Variants in CNTNAP3B observed in about 807,000 individuals in gnomAD.
CNTNAP3B encodes the protein contactin-associated protein-like 3B.
CNTNAP3B carries 25 observed loss-of-function variants against 108.9 expected under a neutral mutation model. The observed-to-expected ratio is 0.23, with a 90% CI of 0.17 to 0.32. The LOEUF is 0.32. Among genes scored for constraint, CNTNAP3B ranks in the 10% least tolerant of loss-of-function variants. The pLI is 1.00. For synonymous variants in CNTNAP3B, 103 were observed against 473.4 expected, an observed-to-expected ratio of 0.22 and a Z score of 10.16; for missense variants, 252 against 1,210.4, an observed-to-expected ratio of 0.21 and a Z score of 11.75.
intron 8 of CNTNAP3B, among the ~76,000 whole-genome samples, chr9:41,986,515 C>T (rs1224612662): frequency 6.9e-6 from 1 of 144,726 alleles, no homozygotes; most frequent in African/African-American, 2.6e-5. Context: ...AAATATTACT[C>T]TTTCTGAAGA....
intron 18 of CNTNAP3B, among the ~76,000 whole-genome samples, chr9:41,918,039 T>C (rs1823566406): frequency 6.6e-6 from 1 of 152,290 alleles, no homozygotes; most frequent in South Asian, 2.1e-4. Flanking sequence ...TCAATAGTTG[T>C]TTTTTAAAAT....
intron 15 of CNTNAP3B, among the ~76,000 whole-genome samples, chr9:41,926,257 C>A (rs1471903496): frequency 6.6e-6 from 1 of 152,080 alleles, no homozygotes; most frequent in Non-Finnish European, 1.5e-5. Context: ...AGTGTGGAAC[C>A]TAGCTTCTAA....
In CNTNAP3B at chr9:42,000,109, CTG is replaced by C. The variant is rs1482168843; in HGVS notation, c.539-1507_539-1506del. Among the ~76,000 whole-genome samples, 5 of 134,358 alleles carry C rather than the reference CTG, an allele frequency of 3.7e-5. 2 individuals are homozygous for C. The highest frequency in any genetic ancestry group is 7.8e-5 in the Non-Finnish European group (5 of 63,760). The allele number at this position is 134,358 out of a possible 152,430, so 88.1% of individuals were successfully genotyped here. A position where few individuals can be genotyped will look rare whatever the true frequency, so the allele number is the denominator to read the frequency against. On this transcript the variant is annotated intron_variant, in intron 4 of 23. Transcript: ENST00000377561. ...TGGCTATCCATTTCATTCACAGTATCTGAAATACATATAGTAAACTGCACTTC... is the reference window on the plus strand; with the variant it reads ...TGGCTATCCATTTCATTCACAGTATCAAATACATATAGTAAACTGCACTTC...
chr9:42,103,263 C>A (rs1828032345), intron 2 of CNTNAP3B, among the ~76,000 whole-genome samples: 1 of 147,986 alleles, frequency 6.8e-6, no homozygotes, highest in Admixed American at 6.7e-5. Context: ...AAATCACAGA[C>A]TTAAGAAAAA....
intron 10 of CNTNAP3B, among the ~76,000 whole-genome samples, chr9:41,968,931 G>C (rs1825361014): frequency 6.6e-6 from 1 of 152,154 alleles, no homozygotes; most frequent in Admixed American, 6.5e-5. Context: ...CGAGTAGCTG[G>C]AACTACAGGC....
chr9:41,923,425 G>T (rs1417645134), intron 16 of CNTNAP3B, among the ~76,000 whole-genome samples: 2 of 151,922 alleles, frequency 1.3e-5, no homozygotes, highest in East Asian at 3.9e-4. Flanking sequence ...ACATTTTAAT[G>T]GATTATTACG....
intron 13 of CNTNAP3B, among the ~76,000 whole-genome samples, chr9:41,942,909 T>G (rs1205632716): frequency 6.6e-6 from 1 of 152,252 alleles, no homozygotes; most frequent in Non-Finnish European, 1.5e-5. Flanking sequence ...ATTAAAGGCT[T>G]CCTTACCTCA....
intron 1 of CNTNAP3B, among the ~76,000 whole-genome samples, chr9:42,122,099 C>T (rs1314940794): frequency 7.2e-6 from 1 of 139,470 alleles, no homozygotes; most frequent in Non-Finnish European, 1.5e-5. Flanking sequence ...CTATGGGCAG[C>T]AGGCTTTGCT....
Position 42,123,432 on chromosome 9 carries a change from T to C in CNTNAP3B, c.85+5578A>G, listed in dbSNP as rs2118750556. On this transcript the variant is annotated intron_variant, in intron 1 of 23. Coordinates refer to ENST00000377561, the MANE Select transcript of CNTNAP3B (RefSeq NM_001201380.3). ...TGATTGAACAGATATCTAAAACTGA[T>C]AGGTAATATTTTAGATCAAATCACT... Among the ~76,000 whole-genome samples, 2 of 128,298 alleles carry C rather than the reference T, an allele frequency of 1.6e-5. 1 individual carries two copies. Among genetic ancestry groups the C allele is most frequent in the East Asian group, 4.7e-4 (2 of 4,212 alleles). The allele number at this position is 128,298 out of a possible 152,430, so 84.2% of individuals were successfully genotyped here.
chr9:42,089,236 G>C (rs1418857503), intron 2 of CNTNAP3B, among the ~76,000 whole-genome samples: 2 of 121,420 alleles, frequency 1.6e-5, no homozygotes, highest in Admixed American at 1.7e-4. Flanking sequence ...AAATGTAGGG[G>C]AATTTAATTC....
At chr9:41,931,644 G>A (rs567155777) in intron 14 of CNTNAP3B, among the ~76,000 whole-genome samples, 144 of 150,430 alleles carry the variant, frequency 9.6e-4, no homozygotes, top group African/African-American at 3.3e-3. Context: ...GCAAAGAACA[G>A]AATATTGATT....
chr9:42,093,172 C>T lies in CNTNAP3B; in HGVS notation c.196+11457G>A, dbSNP rs1426294584. Among the ~76,000 whole-genome samples the T allele has an allele frequency of 9.5e-5, 9 of 94,832 alleles. 3 individuals are homozygous for T. Among genetic ancestry groups the T allele is most frequent in the South Asian group, 3.3e-4 (1 of 3,060 alleles). 62.2% of individuals were successfully genotyped at this position (94,832 alleles called of 152,430 possible). A position where few individuals can be genotyped will look rare whatever the true frequency, so the allele number is the denominator to read the frequency against. ...GAGCCTGGCCAACATGGTGAAACCCCGTCTCTACTAAAAATACAAAAAATT... is the reference window on the plus strand; with the variant it reads ...GAGCCTGGCCAACATGGTGAAACCCTGTCTCTACTAAAAATACAAAAAATT... On this transcript the variant is annotated intron_variant, in intron 2 of 23. Transcript: ENST00000377561.
chr9:41,958,078 C>A (rs1209239837), intron 12 of CNTNAP3B, among the ~76,000 whole-genome samples: 1 of 152,268 alleles, frequency 6.6e-6, no homozygotes, highest in African/African-American at 2.4e-5. Flanking sequence ...TGCTCTGTCT[C>A]TTCAAAGTGT....
At chr9:41,939,703 T>C (rs955803352) in intron 13 of CNTNAP3B, among the ~76,000 whole-genome samples, 3 of 152,280 alleles carry the variant, frequency 2.0e-5, no homozygotes, top group Non-Finnish European at 4.4e-5. Context: ...AAAACACTCA[T>C]TATATCCTAA....
chr9:42,070,832 C>T (rs1437707758), intron 3 of CNTNAP3B, among the ~76,000 whole-genome samples: 5 of 152,074 alleles, frequency 3.3e-5, no homozygotes, highest in African/African-American at 1.2e-4. Flanking sequence ...GGAACAAATA[C>T]ACACAGGCCA....
intron 18 of CNTNAP3B, among the ~76,000 whole-genome samples, chr9:41,918,001 A>G (rs1400120961): frequency 6.6e-6 from 1 of 152,310 alleles, no homozygotes; most frequent in Non-Finnish European, 1.5e-5. Flanking sequence ...CATTTGATGT[A>G]TTTCCTTAGG....
At chr9:42,059,953 A>T (rs1406488125) in intron 3 of CNTNAP3B, among the ~76,000 whole-genome samples, 3 of 149,870 alleles carry the variant, frequency 2.0e-5, no homozygotes, top group Non-Finnish European at 3.0e-5. Flanking sequence ...TATATATAAG[A>T]TCATGTCATC....
chr9:42,114,837 C>A (rs1346666627), intron 1 of CNTNAP3B, among the ~76,000 whole-genome samples: 2 of 137,094 alleles, frequency 1.5e-5, no homozygotes, highest in African/African-American at 5.8e-5. Context: ...GGGTGGATCA[C>A]AAGGTCAGGA....
chr9:41,924,680 C>CACACACACAT (rs1823763809), intron 15 of CNTNAP3B, among the ~76,000 whole-genome samples: 1 of 145,476 alleles, frequency 6.9e-6, no homozygotes, highest in African/African-American at 2.5e-5. Flanking sequence ...CACACACACA[C>CACACACACAT]ACACACACAC....
Sources: allele counts gnomAD v4.1 joint callset (sites outside exome capture counted in the v4.1 genomes callset), GRCh38; gene constraint gnomAD v4.1.1; transcripts MANE v1.5; gene names NCBI Gene and HGNC (gene_info 2026-07-23, HGNC 2026-07-21).